DCDC1: variants seen among roughly 807,000 people sequenced by gnomAD.
The protein encoded by DCDC1 is doublecortin domain-containing protein 1.
DCDC1 carries 200 observed loss-of-function variants against 178.3 expected under a neutral mutation model. The observed-to-expected ratio is 1.12, with a 90% CI of 1.00 to 1.26. The LOEUF is 1.26. Ranked by LOEUF, DCDC1 falls within the 50% of genes most tolerant of loss-of-function variation. The pLI is 0.00. For missense variants in DCDC1, 1,983 were observed against 1,749.2 expected, an observed-to-expected ratio of 1.13 and a Z score of -2.38; for synonymous variants, 690 against 604.8, an observed-to-expected ratio of 1.14 and a Z score of -2.07.
At chr11:31,248,894 G>A (rs953795420) in intron 8 of DCDC1, among the ~76,000 whole-genome samples, 1 of 152,114 alleles carries the variant, frequency 6.6e-6, no homozygotes, top group South Asian at 2.1e-4. Flanking sequence ...ACTGTTAAAT[G>A]CTGAGAGCTA....
At chr11:31,224,527 AG>A (rs1353919458) in intron 9 of DCDC1, among the ~76,000 whole-genome samples, 3 of 152,156 alleles carry the variant, frequency 2.0e-5, no homozygotes, top group Admixed American at 2.0e-4. Context: ...TAAACTAAAA[AG>A]CTTCTACACA....
chr11:31,012,708 C>A (rs766571377), intron 20 of DCDC1, among the ~76,000 whole-genome samples: 53 of 151,420 alleles, frequency 3.5e-4, no homozygotes, highest in Non-Finnish European at 5.3e-4. Context: ...TAAATGATAT[C>A]CAGGAATTAA....
intron 20 of DCDC1, among the ~76,000 whole-genome samples, chr11:31,042,142 A>T (rs1413842919): frequency 1.3e-5 from 2 of 152,206 alleles, no homozygotes; most frequent in East Asian, 3.9e-4. Context: ...AATATGAAGC[A>T]TGGGGGTTGG....
chr11:31,265,944 T>C (rs1945132997), intron 7 of DCDC1, among the ~76,000 whole-genome samples: 1 of 149,982 alleles, frequency 6.7e-6, no homozygotes, highest in African/African-American at 2.4e-5. Flanking sequence ...TAATATCTAT[T>C]ATTTAATAAA....
chr11:31,039,013 TGAAG>T (rs1954263694), intron 20 of DCDC1, among the ~76,000 whole-genome samples: 1 of 152,218 alleles, frequency 6.6e-6, no homozygotes, highest in African/African-American at 2.4e-5. Flanking sequence ...CATCATTTGA[TGAAG>T]TAACTTTCAA....
At position 30,906,735 on chromosome 11, in the gene DCDC1, G is replaced by A. The variant is rs1195268078; in HGVS notation, c.3919-10C>T. On this transcript the variant is annotated splice_polypyrimidine_tract_variant and intron_variant, in intron 29 of 38. Coordinates refer to ENST00000684477, the MANE Select transcript of DCDC1 (RefSeq NM_001387274.1). ...AGAGATAACAGTATCCCTAAAATGG[G>A]AGACAAAGATGGCTTTATATAGGAG... 6.2e-7 allele frequency: 1 copy of A among 1,608,922 alleles called. No homozygotes were observed. Among genetic ancestry groups the A allele is most frequent in the Non-Finnish European group, 8.5e-7 (1 of 1,177,250 alleles).
Position 31,103,669 on chromosome 11 carries a change from CAT to C in DCDC1, c.1850_1851del (p.Asn617SerfsTer14). ...TTGCCACATCCAGGTAGCAGAACAG[CAT>C]TAGGATCCAAAAAGGTCTTATATGC... ...MVAYKTFLDP[N>X]AVLLPGCGNW... On this transcript the variant is annotated frameshift_variant, in exon 14 of 39. Transcript: ENST00000684477. LOFTEE classifies it high-confidence loss of function. 1.3e-6 allele frequency: 1 copy of C among 765,068 alleles called. No individual in the cohort carries two copies. Among genetic ancestry groups the C allele is most frequent in the Non-Finnish European group, 2.4e-6 (1 of 417,502 alleles). The allele number at this position is 765,068 out of a possible 1,614,324, so 47.4% of individuals were successfully genotyped here. A position where few individuals can be genotyped will look rare whatever the true frequency, so the allele number is the denominator to read the frequency against.
chr11:30,947,134 G>A, intron 21 of DCDC1, among the ~76,000 whole-genome samples: 1 of 151,978 alleles, frequency 6.6e-6, no homozygotes, highest in East Asian at 1.9e-4. Context: ...AAGATGAAGA[G>A]AAAATTAATA....
chr11:31,317,084 T>A lies in DCDC1; in HGVS notation c.165-9176A>T, dbSNP rs1949151458. Among the ~76,000 whole-genome samples the A allele has an allele frequency of 4.2e-5, 2 of 47,630 alleles. 1 individual carries two copies. Among genetic ancestry groups the A allele is most frequent in the African/African-American group, 5.0e-4 (2 of 4,016 alleles). The allele number at this position is 47,630 out of a possible 152,430, so 31.2% of individuals were successfully genotyped here. A position where few individuals can be genotyped will look rare whatever the true frequency, so the allele number is the denominator to read the frequency against. ...CCTTGTAGTATAGTTTGAAGTCAGG[T>A]AGTGTGATGCCTCCAGCTTTGTTCT... is the stretch of plus-strand genomic sequence containing the variant. On this transcript the variant is annotated intron_variant, in intron 3 of 38. Coordinates refer to ENST00000684477, the MANE Select transcript of DCDC1 (RefSeq NM_001387274.1).
At chr11:31,075,788 C>G (rs150289841) in intron 18 of DCDC1, among the ~76,000 whole-genome samples, 2 of 152,224 alleles carry the variant, frequency 1.3e-5, no homozygotes, top group African/African-American at 4.8e-5. Context: ...TAGACATTAG[C>G]CCCCTGTGGG....
intron 17 of DCDC1, among the ~76,000 whole-genome samples, chr11:31,090,159 T>C (rs1957728394): frequency 6.6e-6 from 1 of 152,210 alleles, no homozygotes; most frequent in Admixed American, 6.5e-5. Context: ...ACTATGTATT[T>C]AGGACTCTAT....
intron 17 of DCDC1, among the ~76,000 whole-genome samples, chr11:31,086,842 G>A (rs1170266609): frequency 2.0e-5 from 3 of 152,194 alleles, no homozygotes; most frequent in African/African-American, 7.2e-5. Context: ...AGTCATGAGA[G>A]ATACTGGTCT....
rs539042876 is a variant in DCDC1, at chr11:31,363,137, CTGTG to C, written c.-125+6556_-125+6559del. Among the ~76,000 whole-genome samples, 1,071 of 152,198 alleles carry C rather than the reference CTGTG, an allele frequency of 7.0e-3. 9 individuals carry two copies. Among genetic ancestry groups the C allele is most frequent in the Non-Finnish European group, 9.8e-3 (664 of 67,968 alleles). ...TGAATTTGAGCATAGTAATATTAAA[CTGTG>C]TGTAATTATATATTAACTATTTTGA... On this transcript the variant is annotated intron_variant, in intron 1 of 38. Coordinates refer to ENST00000684477, the MANE Select transcript of DCDC1 (RefSeq NM_001387274.1).
rs1264538109 is a variant in DCDC1, at chr11:30,865,219, T to C, written c.*154A>G. On this transcript the variant is annotated 3_prime_UTR_variant, in exon 39 of 39. Coordinates refer to ENST00000684477, the MANE Select transcript of DCDC1 (RefSeq NM_001387274.1). ...TTACGACTAATTTTTTTTAATAAAC[T>C]ATGCAGGATTGTTATTTAGAAGATT... 1 of 152,212 alleles carries C rather than the reference T, an allele frequency of 6.6e-6. No homozygotes were observed. Among genetic ancestry groups the C allele is most frequent in the Admixed American group, 6.5e-5 (1 of 15,272 alleles). The allele number at this position is 152,212 out of a possible 1,614,324, so 9.4% of individuals were successfully genotyped here.
chr11:31,149,488 A>AC (rs894892712), intron 9 of DCDC1, among the ~76,000 whole-genome samples: 2 of 151,888 alleles, frequency 1.3e-5, no homozygotes, highest in Non-Finnish European at 2.9e-5. Flanking sequence ...AAAGCTGGCC[A>AC]CCCCAGCCAG....
intron 9 of DCDC1, among the ~76,000 whole-genome samples, chr11:31,148,890 A>C: frequency 6.6e-6 from 1 of 150,868 alleles, no homozygotes; most frequent in South Asian, 2.1e-4. Flanking sequence ...TTTATCCCTC[A>C]CCCCCGCCCA....
rs193000488 is a variant in DCDC1, at chr11:30,974,218, C to T, written c.2592-21650G>A. 2.3e-4 allele frequency among the ~76,000 whole-genome samples: 35 copies of T among 149,704 alleles called. No individual in the cohort carries two copies. In the East Asian group the frequency reaches 3.1e-3, roughly 13 times the overall value. On this transcript the variant is annotated intron_variant, in intron 20 of 38. Transcript: ENST00000684477. Reference sequence around the variant, plus strand: ...CAAAACGCAACACACCAAAGCCTGTCGGATACAGTAAAAGCAGTGCTAAGA... The same window carrying T: ...CAAAACGCAACACACCAAAGCCTGTTGGATACAGTAAAAGCAGTGCTAAGA...
chr11:31,271,944 C>T lies in DCDC1; in HGVS notation c.961-6344G>A, dbSNP rs370357953. The stretch of plus-strand genomic sequence containing the variant: ...TTGGGAGGCCAAGGAGGGCAGATCA[C>T]GAGGTCAGGAGTTTGAGACCAGCCT... On this transcript the variant is annotated intron_variant, in intron 7 of 38. Transcript: ENST00000684477. 2.6e-3 allele frequency among the ~76,000 whole-genome samples: 394 copies of T among 152,108 alleles called. 2 individuals carry two copies. Among genetic ancestry groups the T allele is most frequent in the African/African-American group, 8.6e-3 (355 of 41,514 alleles).
intron 20 of DCDC1, among the ~76,000 whole-genome samples, chr11:31,021,481 G>C (rs1467909833): frequency 1.3e-5 from 2 of 152,148 alleles, no homozygotes; most frequent in Admixed American, 1.3e-4. Context: ...GGTACAAACA[G>C]TATATGCAAT....
Sources: gnomAD v4.1 joint callset for allele counts (sites outside exome capture counted in the v4.1 genomes callset) on GRCh38, gnomAD v4.1.1 for gene constraint, MANE v1.5 for transcripts, NCBI Gene and HGNC (gene_info 2026-07-23, HGNC 2026-07-21) for gene names.